Variants in SPAG16 observed in about 807,000 individuals in gnomAD.
SPAG16 encodes the protein sperm associated antigen 16.
A neutral mutation model predicts 80.4 loss-of-function variants in SPAG16; 86 were observed. The ratio of observed to expected loss-of-function variants is 1.07; its 90% CI spans 0.90 to 1.28. SPAG16 has a LOEUF of 1.28. Among genes scored for constraint, SPAG16 ranks in the 50% most tolerant of loss-of-function variants. The pLI is 0.00. For missense variants in SPAG16, 870 were observed against 765.3 expected, an observed-to-expected ratio of 1.14 and a Z score of -1.61; for synonymous variants, 294 against 265.9, an observed-to-expected ratio of 1.11 and a Z score of -1.03.
At chr2:213,410,914 C>T (rs867755867) in intron 9 of SPAG16, among the ~76,000 whole-genome samples, 6 of 152,326 alleles carry the variant, frequency 3.9e-5, no homozygotes, top group Non-Finnish European at 2.9e-5. Context: ...GGTCAGCCCC[C>T]GAGGGCCATC....
chr2:214,275,073 T>C (rs548087774), intron 15 of SPAG16, among the ~76,000 whole-genome samples: 1 of 152,274 alleles, frequency 6.6e-6, no homozygotes, highest in African/African-American at 2.4e-5. Context: ...GGTTTTCTAG[T>C]TTATTTGTGT....
At chr2:214,203,832 G>A (rs1320445724) in intron 15 of SPAG16, among the ~76,000 whole-genome samples, 1 of 152,182 alleles carries the variant, frequency 6.6e-6, no homozygotes, top group Non-Finnish European at 1.5e-5. Context: ...GGAGAAGGGG[G>A]CGAATCAGGG....
chr2:214,401,678 A>G (rs1021739177), intron 15 of SPAG16, among the ~76,000 whole-genome samples: 2 of 151,980 alleles, frequency 1.3e-5, no homozygotes, highest in South Asian at 2.1e-4. Flanking sequence ...GTTTGCTTCT[A>G]TTTCTTATAA....
chr2:214,137,292 G>A (rs147433451), intron 14 of SPAG16, among the ~76,000 whole-genome samples: 29 of 151,678 alleles, frequency 1.9e-4, no homozygotes, highest in Middle Eastern at 3.4e-3. Flanking sequence ...ATATTTTTTC[G>A]TCATTAATAA....
chr2:213,735,930 A>C (rs1035813229), intron 10 of SPAG16, among the ~76,000 whole-genome samples: 18 of 152,246 alleles, frequency 1.2e-4, no homozygotes, highest in African/African-American at 4.3e-4. Flanking sequence ...GTCATTATAC[A>C]GATGAGGGAA....
Position 213,513,707 on chromosome 2 carries a change from C to T in SPAG16, c.1070+23617C>T, listed in dbSNP as rs74878356. On this transcript the variant is annotated intron_variant, in intron 10 of 15. Transcript: ENST00000331683. Reference sequence around the variant, plus strand: ...TGTGTGCTAAAGTTAAAGCACATAGCGGAATCTCTGTCACATCGTCTTTCT... The same window carrying T: ...TGTGTGCTAAAGTTAAAGCACATAGTGGAATCTCTGTCACATCGTCTTTCT... Among the ~76,000 whole-genome samples, 655 of 152,222 alleles carry T rather than the reference C, an allele frequency of 4.3e-3. 4 individuals carry two copies. The highest frequency in any genetic ancestry group is 0.014 in the African/African-American group (599 of 41,530).
intron 5 of SPAG16, among the ~76,000 whole-genome samples, chr2:213,337,187 G>A (rs1234509071): frequency 6.6e-6 from 1 of 152,078 alleles, no homozygotes; most frequent in East Asian, 1.9e-4. Context: ...CAACATCAAT[G>A]AAAAGGACCC....
chr2:214,138,303 A>T (rs1159704222), intron 14 of SPAG16, among the ~76,000 whole-genome samples: 2 of 152,070 alleles, frequency 1.3e-5, no homozygotes, highest in Non-Finnish European at 2.9e-5. Context: ...AAGCTAGTGG[A>T]AGATAAGGGT....
chr2:213,383,327 T>C (rs2067271762), intron 9 of SPAG16, among the ~76,000 whole-genome samples: 1 of 152,162 alleles, frequency 6.6e-6, no homozygotes, highest in Admixed American at 6.6e-5. Flanking sequence ...TTGCAGAGTA[T>C]TTAGTATCTT....
chr2:213,564,309 A>G (rs2125989684), intron 10 of SPAG16, among the ~76,000 whole-genome samples: 1 of 152,218 alleles, frequency 6.6e-6, no homozygotes, highest in East Asian at 1.9e-4. Context: ...AGCCTAGCCA[A>G]CATGGTGACA....
intron 10 of SPAG16, among the ~76,000 whole-genome samples, chr2:213,816,140 G>A (rs2072520955): frequency 1.3e-5 from 2 of 152,204 alleles, no homozygotes; most frequent in African/African-American, 4.8e-5. Context: ...GGTTCCTGCT[G>A]TTTTTGAAAC....
At chr2:213,492,587 C>T (rs951471267) in intron 10 of SPAG16, among the ~76,000 whole-genome samples, 4 of 151,230 alleles carry the variant, frequency 2.6e-5, no homozygotes, top group Non-Finnish European at 4.4e-5. Flanking sequence ...AAACAGATAC[C>T]ACCCCCTCTA....
chr2:214,002,774 A>G (rs1420578708), intron 12 of SPAG16, among the ~76,000 whole-genome samples: 1 of 152,186 alleles, frequency 6.6e-6, no homozygotes, highest in Non-Finnish European at 1.5e-5. Flanking sequence ...CATTTTAGTT[A>G]TATTTATGCC....
intron 15 of SPAG16, among the ~76,000 whole-genome samples, chr2:214,336,662 T>C (rs1192557617): frequency 6.6e-6 from 1 of 152,006 alleles, no homozygotes; most frequent in Non-Finnish European, 1.5e-5. Context: ...CACAAGACTA[T>C]TCAATATTAG....
intron 11 of SPAG16, among the ~76,000 whole-genome samples, chr2:213,882,171 G>T (rs2076368751): frequency 6.6e-6 from 1 of 152,130 alleles, no homozygotes; most frequent in South Asian, 2.1e-4. Context: ...TGCATTACAG[G>T]AATAAAGCCT....
intron 12 of SPAG16, among the ~76,000 whole-genome samples, chr2:213,950,830 T>C (rs116778775): frequency 0.011 from 1,733 of 150,792 alleles, 36 homozygotes; most frequent in African/African-American, 0.04. Flanking sequence ...CATATTAACC[T>C]TCTGAGTAGC....
intron 15 of SPAG16, among the ~76,000 whole-genome samples, chr2:214,394,577 A>G (rs1701258035): frequency 6.6e-6 from 1 of 152,146 alleles, no homozygotes; most frequent in South Asian, 2.1e-4. Context: ...TTTATTTTTT[A>G]CTTTGTCTTT....
chr2:213,525,430 A>T (rs1276052698), intron 10 of SPAG16, among the ~76,000 whole-genome samples: 1 of 151,596 alleles, frequency 6.6e-6, no homozygotes, highest in Non-Finnish European at 1.5e-5. Context: ...CTGGGACTAC[A>T]GGTGCCCACC....
At chr2:213,619,262 G>A (rs2061695006) in intron 10 of SPAG16, among the ~76,000 whole-genome samples, 1 of 152,056 alleles carries the variant, frequency 6.6e-6, no homozygotes, top group Non-Finnish European at 1.5e-5. Context: ...CTAGAGGAAA[G>A]CATAGGGGAA....
Sources: allele counts gnomAD v4.1 joint callset (sites outside exome capture counted in the v4.1 genomes callset), GRCh38; gene constraint gnomAD v4.1.1; transcripts MANE v1.5; gene names NCBI Gene and HGNC (gene_info 2026-07-23, HGNC 2026-07-21).